Variants in KIT observed in about 807,000 individuals in gnomAD.
The protein encoded by KIT is mast/stem cell growth factor receptor Kit.
KIT carries 16 observed loss-of-function variants against 105.7 expected under a neutral mutation model. The observed-to-expected ratio is 0.15, with a 90% CI of 0.10 to 0.23. The LOEUF is 0.23. Ranked by LOEUF, KIT falls within the 10% of genes least tolerant of loss-of-function variation. The pLI is 1.00. For missense variants in KIT, 858 were observed against 1,213.8 expected (o/e 0.71, Z 4.36); for synonymous variants, 438 against 441.1 (o/e 0.99, Z 0.09).
At chr4:54,735,399 C>T (rs1172241760) in intron 17 of KIT, among the ~76,000 whole-genome samples, 4 of 150,590 alleles carry the variant, frequency 2.7e-5, no homozygotes, top group Non-Finnish European at 4.4e-5. Flanking sequence ...AAAAGCTTTC[C>T]CAGTTTTCAA....
chr4:54,661,729 A>T (rs1198508269), intron 1 of KIT, among the ~76,000 whole-genome samples: 2 of 152,240 alleles, frequency 1.3e-5, no homozygotes, highest in East Asian at 1.9e-4. Context: ...TGCCACAGCT[A>T]TAAGTCCGGA....
chr4:54,729,300 C>T (rs775527752), intron 13 of KIT, 35 bp from the exon 14 acceptor site: 2 of 1,609,562 alleles, frequency 1.2e-6, no homozygotes, highest in East Asian at 4.5e-5. Context: ...CTATATATCT[C>T]ACCTTCTTTC....
At chr4:54,722,859 ATATATG>A (rs72149050) in intron 7 of KIT, among the ~76,000 whole-genome samples, 19,774 of 143,744 alleles carry the variant, frequency 0.14, 1,758 homozygotes, top group African/African-American at 0.27. Flanking sequence ...ATATTTTTAT[ATATATG>A]TATATATATT....
rs779482571 is a variant in KIT, at chr4:54,699,724, G to A, written c.714G>A (p.Val238=). The A allele has an allele frequency of 6.2e-7, 1 of 1,613,868 alleles. No homozygotes were observed. Among genetic ancestry groups the A allele is most frequent in the East Asian group, 2.2e-5 (1 of 44,868 alleles). Residue 238 remains valine, a synonymous_variant, in exon 4 of 21, where the codon GTG becomes GTA. Coordinates refer to ENST00000288135, the MANE Select transcript of KIT (RefSeq NM_000222.3). ...EFTVTCTIKD[V]SSSVYSTWKR... ...CAGTGACGTGCACAATAAAAGATGT[G>A]TCTAGTTCTGTGTACTCAACGTGGA...
At chr4:54,699,553 T>C in intron 3 of KIT, 77 bp from the exon 4 acceptor site, 7 of 1,510,644 alleles carry the variant, frequency 4.6e-6, no homozygotes, top group African/African-American at 2.7e-5. Context: ...GCTGTACACA[T>C]TTGAGGAGAA....
chr4:54,717,679 A>G (rs188305707), intron 7 of KIT, among the ~76,000 whole-genome samples: 68 of 152,268 alleles, frequency 4.5e-4, no homozygotes, highest in Admixed American at 3.3e-3. Flanking sequence ...ATTTACAGAT[A>G]TATGCAAGGT....
Position 54,732,990 on chromosome 4 carries a change from A to G in KIT, c.2362-80A>G, listed in dbSNP as rs1722703935. On this transcript the variant is annotated intron_variant, in intron 16 of 20. Transcript: ENST00000288135. ...GATTTTTTATAATATAAGCAACACTATAGTATTAAAAAGTTAGTTTTCACT... is the reference window on the plus strand; with the variant it reads ...GATTTTTTATAATATAAGCAACACTGTAGTATTAAAAAGTTAGTTTTCACT... 17 of 1,167,536 alleles carry G rather than the reference A, an allele frequency of 1.5e-5. No homozygotes were observed. The South Asian group carries it at 2.1e-4, about 15-fold the overall frequency. 72.3% of individuals were successfully genotyped at this position (1,167,536 alleles called of 1,614,324 possible). A position where few individuals can be genotyped will look rare whatever the true frequency, so the allele number is the denominator to read the frequency against.
chr4:54,726,839 T>C (rs1722248597), intron 9 of KIT, among the ~76,000 whole-genome samples: 1 of 150,714 alleles, frequency 6.6e-6, no homozygotes, highest in South Asian at 2.1e-4. Context: ...ATTTGGAAAA[T>C]ACAGGAAAGC....
intron 1 of KIT, among the ~76,000 whole-genome samples, chr4:54,664,936 A>G (rs538608025): frequency 1.3e-5 from 2 of 151,390 alleles, no homozygotes; most frequent in South Asian, 2.1e-4. Context: ...GAAATTTACT[A>G]CCTTAATCAT....
chr4:54,735,031 G>T (rs1432921624), intron 17 of KIT, among the ~76,000 whole-genome samples: 1 of 152,084 alleles, frequency 6.6e-6, no homozygotes. Context: ...TTAGAGTGGT[G>T]ATTAATGTAA....
chr4:54,723,442 G>T (rs991046224), intron 7 of KIT, 142 bp from the exon 8 acceptor site: 35 of 694,722 alleles, frequency 5.0e-5, no homozygotes, highest in Non-Finnish European at 8.1e-5. Context: ...TCCACTCCTT[G>T]GTTCAGATTC....
chr4:54,676,313 A>T (rs1718465315), intron 1 of KIT, among the ~76,000 whole-genome samples: 1 of 152,190 alleles, frequency 6.6e-6, no homozygotes, highest in Non-Finnish European at 1.5e-5. Flanking sequence ...TCTCCAGGTG[A>T]TTCTGCTGCA....
At chr4:54,729,556 G>A (rs533206847) in intron 14 of KIT, 71 bp downstream of exon 14, 1 of 1,481,338 alleles carries the variant, frequency 6.8e-7, no homozygotes, top group Admixed American at 1.7e-5. Flanking sequence ...TTGCAATCAA[G>A]GCTGATTCTT....
At chr4:54,702,301 AAT>A (rs1429737081) in intron 4 of KIT, among the ~76,000 whole-genome samples, 2 of 152,188 alleles carry the variant, frequency 1.3e-5, no homozygotes, top group Admixed American at 1.3e-4. Context: ...TGATTTTAAT[AAT>A]ATATTTTATT....
intron 4 of KIT, among the ~76,000 whole-genome samples, chr4:54,701,334 A>G (rs985018104): frequency 2.6e-5 from 4 of 152,226 alleles, no homozygotes; most frequent in Admixed American, 2.6e-4. Context: ...TTTTATTGAT[A>G]TCTTTTGGCT....
At chr4:54,735,389 A>AG (rs1722874664) in intron 17 of KIT, among the ~76,000 whole-genome samples, 1 of 121,684 alleles carries the variant, frequency 8.2e-6, no homozygotes, top group Non-Finnish European at 1.8e-5. Flanking sequence ...GAAAAAAAAA[A>AG]AAAGCTTTCC....
At chr4:54,685,946 A>G (rs1339315223) in intron 1 of KIT, among the ~76,000 whole-genome samples, 1 of 152,154 alleles carries the variant, frequency 6.6e-6, no homozygotes, top group Non-Finnish European at 1.5e-5. Context: ...TTTAGCCTGT[A>G]CTTGCTTCAT....
Position 54,727,250 on chromosome 4 carries a change from T to G in KIT, c.1573T>G (p.Leu525Val). ...QIHPHTLFTP[L>V]LIGFVIVAGM... ...CCATCCCCACACCCTGTTCACTCCT[T>G]TGCTGATTGGTTTCGTAATCGTAGC... is the stretch of plus-strand genomic sequence containing the variant. The change falls in exon 10 of 21, where the codon TTG (leucine) becomes GTG (valine). Residue 525 changes from leucine to valine, a missense_variant. By Grantham distance (32) the Leu-to-Val change is conservative. Coordinates refer to ENST00000288135, the MANE Select transcript of KIT (RefSeq NM_000222.3). The G allele has an allele frequency of 6.2e-7, 1 of 1,614,192 alleles. No homozygotes were observed. The highest frequency in any genetic ancestry group is 8.5e-7 in the Non-Finnish European group (1 of 1,180,020).
chr4:54,709,632 T>C, intron 7 of KIT, 93 bp downstream of exon 7: 1 of 792,404 alleles, frequency 1.3e-6, no homozygotes, highest in Non-Finnish European at 2.2e-6. Flanking sequence ...TTGTGTACTA[T>C]GTAAATAACG....
Sources: allele counts gnomAD v4.1 joint callset (sites outside exome capture counted in the v4.1 genomes callset), GRCh38; gene constraint gnomAD v4.1.1; transcripts MANE v1.5; gene names NCBI Gene and HGNC (gene_info 2026-07-23, HGNC 2026-07-21).